Variants in EPB41L1 observed in about 807,000 individuals in gnomAD.
EPB41L1 encodes the protein band 4.1-like protein 1.
EPB41L1 carries 29 observed loss-of-function variants against 97.8 expected under a neutral mutation model. The ratio of observed to expected loss-of-function variants is 0.30; its 90% CI spans 0.22 to 0.40. The LOEUF (loss-of-function observed/expected upper bound fraction) is 0.40. Among genes scored for constraint, EPB41L1 ranks in the 10% least tolerant of loss-of-function variants. The probability of loss-of-function intolerance (pLI) is 1.00; values close to 1 mark genes in which losing one functional copy is unlikely to be tolerated. For missense variants in EPB41L1, 812 were observed against 1,162.3 expected (o/e 0.70, Z 4.38); for synonymous variants, 383 against 459.2 (o/e 0.83, Z 2.12).
chr20:36,155,515 G>A, intron 1 of EPB41L1: 1 of 444,834 alleles, frequency 2.2e-6, no homozygotes, highest in Admixed American at 2.4e-5. Context: ...CTTCACACTT[G>A]GGGAGGTCCA....
intron 2 of EPB41L1, among the ~76,000 whole-genome samples, chr20:36,127,623 G>A (rs183327179): frequency 6.6e-6 from 1 of 152,150 alleles, no homozygotes; most frequent in South Asian, 2.1e-4. Context: ...TCCTGACATA[G>A]GCAGACTCAC....
At chr20:36,117,064 G>A (rs2058607045) in intron 2 of EPB41L1, among the ~76,000 whole-genome samples, 1 of 152,186 alleles carries the variant, frequency 6.6e-6, no homozygotes, top group Non-Finnish European at 1.5e-5. Context: ...GTCTGCTGAA[G>A]GAGGGACATA....
At chr20:36,225,964 A>C (rs942274452) in intron 21 of EPB41L1, among the ~76,000 whole-genome samples, 1 of 151,944 alleles carries the variant, frequency 6.6e-6, no homozygotes, top group African/African-American at 2.4e-5. Flanking sequence ...ACCATGCCCC[A>C]TCTCTCTCTC....
chr20:36,102,378 T>C (rs770544146), intron 1 of EPB41L1, among the ~76,000 whole-genome samples: 1 of 152,154 alleles, frequency 6.6e-6, no homozygotes, highest in Non-Finnish European at 1.5e-5. Flanking sequence ...TTTTGCGCAG[T>C]TGGAGCCTAA....
chr20:36,167,405 G>A (rs2060783697), intron 1 of EPB41L1, among the ~76,000 whole-genome samples: 2 of 152,000 alleles, frequency 1.3e-5, no homozygotes, highest in South Asian at 4.1e-4. Flanking sequence ...AGGCCCTTGG[G>A]GGTTTTAAAG....
At chr20:36,129,358 G>C (rs975725773) in intron 2 of EPB41L1, among the ~76,000 whole-genome samples, 1 of 152,084 alleles carries the variant, frequency 6.6e-6, no homozygotes, top group South Asian at 2.1e-4. Context: ...GCTTCTCCTG[G>C]GGGGAGCCTG....
At chr20:36,140,576 AT>A (rs2059601035) in intron 2 of EPB41L1, among the ~76,000 whole-genome samples, 1 of 152,126 alleles carries the variant, frequency 6.6e-6, no homozygotes, top group Admixed American at 6.5e-5. Context: ...TATTATTGCT[AT>A]TTTGAATATT....
chr20:36,208,828 C>G (rs1216114511), intron 14 of EPB41L1, among the ~76,000 whole-genome samples: 1 of 152,216 alleles, frequency 6.6e-6, no homozygotes, highest in African/African-American at 2.4e-5. Context: ...ACCAGAGCCT[C>G]TACTCCCTGA....
intron 6 of EPB41L1, among the ~76,000 whole-genome samples, chr20:36,183,940 T>C (rs1320968882): frequency 6.6e-6 from 1 of 152,090 alleles, no homozygotes; most frequent in Admixed American, 6.6e-5. Flanking sequence ...TAAAAGATAC[T>C]TAAAAGAAAA....
intron 1 of EPB41L1, among the ~76,000 whole-genome samples, chr20:36,099,961 G>A (rs1185546116): frequency 6.6e-6 from 1 of 152,228 alleles, no homozygotes; most frequent in Non-Finnish European, 1.5e-5. Flanking sequence ...TGGGCTCTGA[G>A]TGAGCAGGCT....
At chr20:36,154,181 C>T (rs186082372), upstream of EPB41L1, among the ~76,000 whole-genome samples, 1 of 152,210 alleles carries the variant, frequency 6.6e-6, no homozygotes, top group Admixed American at 6.5e-5. This position sits in a 1 kb window ranked among gnomAD's most constrained non-coding sequence, Gnocchi z 5.5. Flanking sequence ...GGGAGGACGC[C>T]GAGTCCTAGG....
chr20:36,091,736 A>C (rs926983240), intron 1 of EPB41L1: 1 of 152,206 alleles, frequency 6.6e-6, no homozygotes, highest in African/African-American at 2.4e-5. Context: ...GCTCAGGCTC[A>C]TTATTCCGGG....
chr20:36,123,202 G>C (rs961495172), intron 2 of EPB41L1, among the ~76,000 whole-genome samples: 4 of 152,164 alleles, frequency 2.6e-5, no homozygotes, highest in Middle Eastern at 3.4e-3. Flanking sequence ...TAGAGAACAA[G>C]AATACAGAGG....
At chr20:36,167,704 T>A (rs1003038738) in intron 1 of EPB41L1, among the ~76,000 whole-genome samples, 1 of 151,102 alleles carries the variant, frequency 6.6e-6, no homozygotes, top group Admixed American at 6.6e-5. Context: ...TGAGACTCCA[T>A]CTCCAATAAT....
At chr20:36,228,612 C>T (rs981375427) in intron 21 of EPB41L1, among the ~76,000 whole-genome samples, 2 of 152,194 alleles carry the variant, frequency 1.3e-5, no homozygotes, top group African/African-American at 4.8e-5. Flanking sequence ...TTAAGAAACT[C>T]ACCCAAGATT....
chr20:36,159,733 TC>T (rs1323347522), intron 1 of EPB41L1, among the ~76,000 whole-genome samples: 4 of 152,224 alleles, frequency 2.6e-5, no homozygotes, highest in African/African-American at 7.2e-5. Context: ...CTTGCCACAT[TC>T]TTCTCACTAA....
At chr20:36,155,770 A>G in intron 1 of EPB41L1, 1 of 399,798 alleles carries the variant, frequency 2.5e-6, no homozygotes, top group South Asian at 1.8e-5. Context: ...TGGGGGAGAG[A>G]GCACCACGTG....
intron 21 of EPB41L1, among the ~76,000 whole-genome samples, chr20:36,227,334 G>A (rs899572766): frequency 3.9e-5 from 6 of 152,002 alleles, no homozygotes; most frequent in East Asian, 3.9e-4. Context: ...AACAAAAAAC[G>A]AAACGAAGGA....
At chr20:36,158,560 G>A (rs1046848706) in intron 1 of EPB41L1, among the ~76,000 whole-genome samples, 5 of 152,158 alleles carry the variant, frequency 3.3e-5, no homozygotes, top group Admixed American at 3.3e-4. Context: ...TGTGTGTGGC[G>A]GAGTGTGAGC....
Sources: gnomAD v4.1 joint callset for allele counts (sites outside exome capture counted in the v4.1 genomes callset) on GRCh38, gnomAD v4.1.1 for gene constraint, Gnocchi (gnomAD v3.1) non-coding constraint, MANE v1.5 for transcripts, NCBI Gene and HGNC (gene_info 2026-07-23, HGNC 2026-07-21) for gene names.